The following AUTS2 variants were observed in gnomAD, a reference collection of about 807,000 sequenced individuals.
The protein encoded by AUTS2 is activator of transcription and developmental regulator AUTS2.
AUTS2 carries 17 observed loss-of-function variants against 112.4 expected under a neutral mutation model. The observed-to-expected ratio is 0.15, with a 90% CI of 0.10 to 0.23. The LOEUF (loss-of-function observed/expected upper bound fraction) is 0.23, where lower values mean the gene tolerates loss of function less well. Among genes scored for constraint, AUTS2 ranks in the 10% least tolerant of loss-of-function variants. AUTS2 has a pLI of 1.00. For synonymous variants in AUTS2, 751 were observed against 702.7 expected, an observed-to-expected ratio of 1.07 and a Z score of -1.09; for missense variants, 1,510 against 1,701.6, an observed-to-expected ratio of 0.89 and a Z score of 1.98.
At chr7:69,938,868 G>A (rs1796516189) in intron 2 of AUTS2, among the ~76,000 whole-genome samples, 1 of 152,220 alleles carries the variant, frequency 6.6e-6, no homozygotes, top group Non-Finnish European at 1.5e-5. Context: ...CGATAAGCCA[G>A]CTGTGCTTAC....
intron 1 of AUTS2, among the ~76,000 whole-genome samples, chr7:69,718,743 G>T (rs537312421): frequency 6.6e-6 from 1 of 152,120 alleles, no homozygotes; most frequent in African/African-American, 2.4e-5. Context: ...CATCTTTGGG[G>T]AGCCATTATT....
At chr7:69,701,994 A>T (rs1485158752) in intron 1 of AUTS2, among the ~76,000 whole-genome samples, 1 of 152,216 alleles carries the variant, frequency 6.6e-6, no homozygotes, top group Non-Finnish European at 1.5e-5. Flanking sequence ...CTAGGTTCAG[A>T]TCACATACTT....
In AUTS2 at chr7:69,982,899, C is replaced by A. The variant is rs111635937; in HGVS notation, c.522+83401C>A. On this transcript the variant is annotated intron_variant, in intron 2 of 18. Transcript: ENST00000342771. Reference sequence around the variant, plus strand: ...TAAGAGATGACTTTTAAATATTTGGCCAGATTTTATAGTGGCAAGGACAGA... The same window carrying A: ...TAAGAGATGACTTTTAAATATTTGGACAGATTTTATAGTGGCAAGGACAGA... 4.1e-4 allele frequency among the ~76,000 whole-genome samples: 63 copies of A among 152,234 alleles called. 4 individuals are homozygous for A. The highest frequency in any genetic ancestry group is 1.4e-3 in the African/African-American group (59 of 41,564).
chr7:70,382,432 A>G (rs538958868), intron 4 of AUTS2, among the ~76,000 whole-genome samples: 1 of 151,346 alleles, frequency 6.6e-6, no homozygotes, highest in Non-Finnish European at 1.5e-5. Flanking sequence ...ACACACACAC[A>G]CTCTCTCTTG....
chr7:69,948,773 C>CATTT (rs36128585), intron 2 of AUTS2, among the ~76,000 whole-genome samples: 4,704 of 147,098 alleles, frequency 0.032, 74 homozygotes, highest in East Asian at 0.052. Flanking sequence ...AATTTTCTTT[C>CATTT]ATTTATTTAT....
chr7:70,622,646 T>C (rs767959879), intron 5 of AUTS2, among the ~76,000 whole-genome samples: 5 of 152,318 alleles, frequency 3.3e-5, no homozygotes, highest in Non-Finnish European at 5.9e-5. Flanking sequence ...AAGGCTTGTA[T>C]TTTTCCCCTG....
chr7:69,886,763 T>TTGTGTGTGTGTGTG (rs3220664), intron 1 of AUTS2, among the ~76,000 whole-genome samples: 19 of 129,868 alleles, frequency 1.5e-4, no homozygotes, highest in African/African-American at 3.5e-4. Context: ...TTTGACTTCT[T>TTGTGTGTGTGTGTG]TGTGTGTGTG....
At chr7:70,095,748 T>C (rs1272295683) in intron 2 of AUTS2, among the ~76,000 whole-genome samples, 1 of 152,220 alleles carries the variant, frequency 6.6e-6, no homozygotes, top group Non-Finnish European at 1.5e-5. Context: ...CTAGATGCTG[T>C]AGACTCTGTG....
intron 4 of AUTS2, among the ~76,000 whole-genome samples, chr7:70,373,465 A>G (rs1792936331): frequency 1.3e-5 from 2 of 152,104 alleles, no homozygotes; most frequent in South Asian, 4.2e-4. Context: ...GTTGGTTTTA[A>G]TCATTCCTCC....
intron 5 of AUTS2, among the ~76,000 whole-genome samples, chr7:70,510,743 T>G (rs1257262935): frequency 6.6e-6 from 1 of 152,202 alleles, no homozygotes; most frequent in Non-Finnish European, 1.5e-5. Flanking sequence ...TTTGAAAAAG[T>G]TATTTTTATA....
chr7:69,784,280 A>G (rs1789270180), intron 1 of AUTS2, among the ~76,000 whole-genome samples: 1 of 152,198 alleles, frequency 6.6e-6, no homozygotes, highest in African/African-American at 2.4e-5. Flanking sequence ...TGCCACTTGG[A>G]ATAATCTAAA....
intron 5 of AUTS2, among the ~76,000 whole-genome samples, chr7:70,568,007 C>T (rs114767853): frequency 4.6e-4 from 70 of 152,276 alleles, no homozygotes; most frequent in African/African-American, 1.7e-3. Flanking sequence ...AACATGGTAC[C>T]TGGAGATAGA....
chr7:70,133,670 T>G (rs945594272), intron 3 of AUTS2, among the ~76,000 whole-genome samples: 5 of 152,134 alleles, frequency 3.3e-5, no homozygotes, highest in African/African-American at 7.2e-5. Flanking sequence ...TCACCTTCAT[T>G]TCAAGCTTAA....
In AUTS2 at chr7:70,147,406, A is replaced by C. The variant is rs577195859; in HGVS notation, c.660+12835A>C. ...TGTAGATGGAGGCAGAACTGGCTTC[A>C]AGGAAGTCAGCTGAGTCTCTACCTC... On this transcript the variant is annotated intron_variant, in intron 4 of 18. Coordinates refer to ENST00000342771, the MANE Select transcript of AUTS2 (RefSeq NM_015570.4). Among the ~76,000 whole-genome samples, 480 of 152,130 alleles carry C rather than the reference A, an allele frequency of 3.2e-3. 2 individuals are homozygous for C. The highest frequency in any genetic ancestry group is 3.4e-3 in the Non-Finnish European group (229 of 67,956).
intron 2 of AUTS2, among the ~76,000 whole-genome samples, chr7:69,929,877 G>T (rs1287501349): frequency 6.6e-6 from 1 of 152,116 alleles, no homozygotes; most frequent in Non-Finnish European, 1.5e-5. Context: ...TTGTGTAACT[G>T]GTGATCTTTG....
At chr7:69,982,725 A>G (rs952559792) in intron 2 of AUTS2, among the ~76,000 whole-genome samples, 1 of 152,230 alleles carries the variant, frequency 6.6e-6, no homozygotes, top group Non-Finnish European at 1.5e-5. Flanking sequence ...CATTTGCTTA[A>G]TTGGTGGAGA....
chr7:69,897,062 T>C (rs1794778026), intron 1 of AUTS2, among the ~76,000 whole-genome samples: 1 of 152,248 alleles, frequency 6.6e-6, no homozygotes, highest in Non-Finnish European at 1.5e-5. Context: ...ATTATCATCC[T>C]AAACATAGGT....
chr7:69,905,462 G>T (rs1415500805), intron 2 of AUTS2, among the ~76,000 whole-genome samples: 1 of 152,118 alleles, frequency 6.6e-6, no homozygotes, highest in East Asian at 1.9e-4. Context: ...GTATGGCTCA[G>T]ACCAAGTCTG....
chr7:69,602,392 A>G (rs1792486600), intron 1 of AUTS2, among the ~76,000 whole-genome samples: 1 of 152,160 alleles, frequency 6.6e-6, no homozygotes, highest in South Asian at 2.1e-4. Context: ...ATGTCTATCT[A>G]TGTGTAGGTA....
Sources: allele counts gnomAD v4.1 joint callset (sites outside exome capture counted in the v4.1 genomes callset), GRCh38; gene constraint gnomAD v4.1.1; transcripts MANE v1.5; gene names NCBI Gene and HGNC (gene_info 2026-07-23, HGNC 2026-07-21).